SDS: variants seen among roughly 807,000 people sequenced by gnomAD.
SDS encodes the protein serine dehydratase.
In SDS, 19 loss-of-function variants were observed where a neutral mutation model predicts 29.3. The observed-to-expected ratio is 0.65, with a 90% CI of 0.45 to 0.95. The LOEUF (loss-of-function observed/expected upper bound fraction) is 0.95, where lower values mean the gene tolerates loss of function less well. Among genes scored for constraint, SDS ranks in the 40% least tolerant of loss-of-function variants. SDS has a pLI of 0.00. For missense variants in SDS, 375 were observed against 439.9 expected (o/e 0.85, Z 1.32); for synonymous variants, 176 against 189.0 (o/e 0.93, Z 0.56).
chr12:113,402,379 G>A (rs888264983), intron 1 of SDS, among the ~76,000 whole-genome samples: 26 of 151,954 alleles, frequency 1.7e-4, no homozygotes, highest in Non-Finnish European at 8.8e-5. Flanking sequence ...TGCAACCTCC[G>A]CCTTCTGGGT....
chr12:113,400,656 AT>A (rs1002550524), intron 1 of SDS, among the ~76,000 whole-genome samples: 3 of 151,732 alleles, frequency 2.0e-5, no homozygotes, highest in Admixed American at 6.6e-5. Context: ...TCTTTTATAT[AT>A]TTTTTTAATT....
chr12:113,397,221 G>A lies in SDS; in HGVS notation c.597C>T (p.His199=). The change falls in exon 6 of 8, where the codon CAC becomes CAT. Residue 199 remains histidine, a synonymous_variant. Transcript: ENST00000257549. ...PVIAMETFGA[H]SFHAATTAGK... is the part of the protein sequence containing the mutation. ...CTGCGGTGGTGGCAGCGTGGAAGCT[G>A]TGGGCACCAAAAGTCTCCATGGCGA... is the stretch of plus-strand genomic sequence containing the variant. The A allele has an allele frequency of 1.4e-5, 23 of 1,614,180 alleles. No homozygotes were observed. Among genetic ancestry groups the A allele is most frequent in the Non-Finnish European group, 1.9e-5 (23 of 1,180,032 alleles).
At chr12:113,402,915 G>A (rs1174391710) in intron 1 of SDS, among the ~76,000 whole-genome samples, 4 of 152,186 alleles carry the variant, frequency 2.6e-5, no homozygotes, top group Admixed American at 2.6e-4. Flanking sequence ...GCCCACTCCG[G>A]CAGTCGGAAG....
In SDS at chr12:113,397,182, G is replaced by T; in HGVS notation, c.636C>A (p.Ser212=). 2 of 1,614,196 alleles carry T rather than the reference G, an allele frequency of 1.2e-6. No homozygotes were observed. Among genetic ancestry groups the T allele is most frequent in the Non-Finnish European group, 1.7e-6 (2 of 1,180,010 alleles). The change falls in exon 6 of 8, where the codon TCC becomes TCA. Residue 212 remains serine, a synonymous_variant. Coordinates refer to ENST00000257549, the MANE Select transcript of SDS (RefSeq NM_006843.3). ...HAATTAGKLV[S]LPKITSVAKA... is the part of the protein sequence containing the mutation. ...CTGCTCACCTGGTGATCTTGGGCAG[G>T]GAGACAAGTTTGCCTGCGGTGGTGG...
At chr12:113,395,191 C>G (rs1957637119) in intron 6 of SDS, among the ~76,000 whole-genome samples, 1 of 152,178 alleles carries the variant, frequency 6.6e-6, no homozygotes, top group African/African-American at 2.4e-5. Context: ...TGTGTTGACG[C>G]TGTCCCCAGC....
At chr12:113,401,434 G>A (rs1416844644) in intron 1 of SDS, among the ~76,000 whole-genome samples, 1 of 151,950 alleles carries the variant, frequency 6.6e-6, no homozygotes, top group African/African-American at 2.4e-5. Context: ...GTTTTGCTAT[G>A]TTGGCCAGGC....
At chr12:113,400,248 C>T (rs1032649148) in intron 1 of SDS, among the ~76,000 whole-genome samples, 12 of 151,160 alleles carry the variant, frequency 7.9e-5, no homozygotes, top group Admixed American at 3.3e-4. Flanking sequence ...AGCGAGATCG[C>T]GCCATTGCAC....
intron 6 of SDS, chr12:113,396,544 CCCTTCCTTCCTTCCTTCCTTCCTTCCTT>C (rs747637585): frequency 3.9e-5 from 1 of 25,776 alleles, no homozygotes; most frequent in Non-Finnish European, 6.6e-5. Context: ...CTCCCTCTCT[CCCTTCCTTCCTTCCTTCCTTCCTTCCTT>C]CCTTCCTTCC....
intron 6 of SDS, among the ~76,000 whole-genome samples, chr12:113,394,316 TTTTG>T (rs765153347): frequency 1.3e-4 from 20 of 151,324 alleles, no homozygotes; most frequent in Non-Finnish European, 2.4e-4. Flanking sequence ...CGGGTTTTTG[TTTTG>T]TTTGTTTTTT....
At position 113,397,423 on chromosome 12, in the gene SDS, A is replaced by C. The variant is rs200630125; in HGVS notation, c.426-31T>G. ...GGGTGGGGAGAGGGGGTGGCAGGTC[A>C]GGGCTAGGCTTCCTGGAGACACCAG... On this transcript the variant is annotated intron_variant, in intron 5 of 7. Coordinates refer to ENST00000257549, the MANE Select transcript of SDS (RefSeq NM_006843.3). 14 of 1,558,624 alleles carry C rather than the reference A, an allele frequency of 9.0e-6. No homozygotes were observed. In the East Asian group the frequency reaches 2.0e-4, roughly 23 times the overall value.
rs1957662371 is a variant in SDS at position 113,398,515 on chromosome 12, C to T, written c.425G>A (p.Trp142Ter). Reference sequence around the variant, plus strand: ...CCAAGTGACCTTGAACTCCACATACCAGATGAGGGGGTCATCAAAGGGGGG... The same window carrying T: ...CCAAGTGACCTTGAACTCCACATACTAGATGAGGGGGTCATCAAAGGGGGG... ...YIPPFDDPLIWEGHASIVKEL... is the reference protein window; with the variant it reads ...YIPPFDDPLI Residue 142 changes from tryptophan to a stop codon, truncating the protein, a stop_gained and splice_region_variant, in exon 5 of 8, where the codon TGG becomes TAG. Transcript: ENST00000257549. LOFTEE classifies it high-confidence loss of function. The T allele has an allele frequency of 2.5e-6, 4 of 1,586,390 alleles. No individual in the cohort carries two copies. The highest frequency in any genetic ancestry group is 4.5e-5 in the East Asian group (2 of 44,616).
At chr12:113,399,023 C>A in intron 3 of SDS, 89 bp downstream of exon 3, 1 of 1,578,572 alleles carries the variant, frequency 6.3e-7, no homozygotes, top group African/African-American at 1.3e-5. Flanking sequence ...TTCAGTGGCA[C>A]ATTGCTGGGG....
chr12:113,398,951 C>T, intron 3 of SDS, 105 bp from the exon 4 acceptor site: 1 of 1,525,988 alleles, frequency 6.6e-7, no homozygotes, highest in Non-Finnish European at 8.9e-7. Context: ...CCCTCACCTC[C>T]CCACCCTGGG....
chr12:113,401,615 C>T (rs1256262812), intron 1 of SDS, among the ~76,000 whole-genome samples: 3 of 152,120 alleles, frequency 2.0e-5, no homozygotes, highest in African/African-American at 7.2e-5. Flanking sequence ...CCCAAAGTCA[C>T]GCTGTGAGTG....
At position 113,399,670 on chromosome 12, in the gene SDS, G is replaced by C. The variant is rs762390606; in HGVS notation, c.39C>G (p.Ile13Met). Residue 13 changes from isoleucine (I) to methionine (M), a missense_variant, in exon 2 of 8, where the codon ATC becomes ATG. Coordinates refer to ENST00000257549, the MANE Select transcript of SDS (RefSeq NM_006843.3). ...TTTTGGACAGGGCCATGCTGTCACGGATGGGGGTCTTCACGTGCAGGGGTT... is the reference window on the plus strand; with the variant it reads ...TTTTGGACAGGGCCATGCTGTCACGCATGGGGGTCTTCACGTGCAGGGGTT... ...SGEPLHVKTP[I>M]RDSMALSKMA... The C allele has an allele frequency of 6.3e-7, 1 of 1,598,372 alleles. No homozygotes were observed. Among genetic ancestry groups the C allele is most frequent in the Non-Finnish European group, 8.5e-7 (1 of 1,174,392 alleles).
At chr12:113,400,682 T>G (rs1957679859) in intron 1 of SDS, among the ~76,000 whole-genome samples, 1 of 152,062 alleles carries the variant, frequency 6.6e-6, no homozygotes, top group African/African-American at 2.4e-5. Context: ...TATTTGAATT[T>G]TTTTTTGTTT....
chr12:113,401,972 C>T (rs1269756703), intron 1 of SDS, among the ~76,000 whole-genome samples: 3 of 152,162 alleles, frequency 2.0e-5, no homozygotes, highest in African/African-American at 4.8e-5. Context: ...CCACCTTGTC[C>T]AGCCCCCTGT....
At position 113,394,022 on chromosome 12, in the gene SDS, A is replaced by G; in HGVS notation, c.654-6T>C. The G allele has an allele frequency of 1.2e-6, 2 of 1,613,922 alleles. No homozygotes were observed. On this transcript the variant is annotated splice_region_variant and splice_polypyrimidine_tract_variant and intron_variant, in intron 6 of 7. Coordinates refer to ENST00000257549, the MANE Select transcript of SDS (RefSeq NM_006843.3). Reference sequence around the variant, plus strand: ...CGCCCAGGGCCTTGGCAACACTGAGAGAAGTGGGAACCCAGAAGAGGATGG... The same window carrying G: ...CGCCCAGGGCCTTGGCAACACTGAGGGAAGTGGGAACCCAGAAGAGGATGG...
intron 6 of SDS, among the ~76,000 whole-genome samples, chr12:113,395,985 C>T (rs1957641434): frequency 6.6e-6 from 1 of 152,060 alleles, no homozygotes; most frequent in African/African-American, 2.4e-5. Context: ...GGGGCAGACG[C>T]CTACTCCTGA....
Sources: gnomAD v4.1 joint callset for allele counts (sites outside exome capture counted in the v4.1 genomes callset) on GRCh38, gnomAD v4.1.1 for gene constraint, MANE v1.5 for transcripts, NCBI Gene and HGNC (gene_info 2026-07-23, HGNC 2026-07-21) for gene names.